SERINC5: variants seen among roughly 807,000 people sequenced by gnomAD.
SERINC5 encodes chromosome 5 open reading frame 12.
In SERINC5, 41 loss-of-function variants were observed where a neutral mutation model predicts 63.1. The ratio of observed to expected loss-of-function variants is 0.65; its 90% CI spans 0.51 to 0.84. The LOEUF (loss-of-function observed/expected upper bound fraction) is 0.84, where lower values mean the gene tolerates loss of function less well. SERINC5 is among the 40% of genes least tolerant of loss of function. The probability of loss-of-function intolerance (pLI) is 0.00; values close to 1 mark genes in which losing one functional copy is unlikely to be tolerated. For missense variants in SERINC5, 523 were observed against 573.0 expected (o/e 0.91, Z 0.89); for synonymous variants, 222 against 215.2 (o/e 1.03, Z -0.28).
At chr5:80,146,715 C>G (rs113399331) in intron 10 of SERINC5, among the ~76,000 whole-genome samples, 2,251 of 152,256 alleles carry the variant, frequency 0.015, 66 homozygotes, top group African/African-American at 0.052. Context: ...CTCAGCCTCC[C>G]GAAGTGCTGG....
intron 6 of SERINC5, among the ~76,000 whole-genome samples, chr5:80,169,018 T>C (rs1747479292): frequency 6.6e-6 from 1 of 152,234 alleles, no homozygotes; most frequent in African/African-American, 2.4e-5. Flanking sequence ...CATAAACACC[T>C]GATCTTGATA....
At chr5:80,193,037 G>A (rs985937781) in intron 2 of SERINC5, among the ~76,000 whole-genome samples, 1 of 152,152 alleles carries the variant, frequency 6.6e-6, no homozygotes, top group Non-Finnish European at 1.5e-5. Context: ...CAGCTCTATG[G>A]GGACAATAAC....
chr5:80,213,897 T>C (rs1750546168), intron 1 of SERINC5, among the ~76,000 whole-genome samples: 1 of 152,210 alleles, frequency 6.6e-6, no homozygotes, highest in Non-Finnish European at 1.5e-5. Context: ...TGTCAATTCC[T>C]GGGAATACCG....
At chr5:80,182,160 T>A (rs1331469223) in intron 2 of SERINC5, among the ~76,000 whole-genome samples, 1 of 152,188 alleles carries the variant, frequency 6.6e-6, no homozygotes, top group East Asian at 1.9e-4. Context: ...GAACTCCACA[T>A]AGCTGGTGGC....
chr5:80,215,514 G>T (rs990684306), intron 1 of SERINC5, among the ~76,000 whole-genome samples: 17 of 152,330 alleles, frequency 1.1e-4, no homozygotes, highest in African/African-American at 4.1e-4. Flanking sequence ...AAGTTAAACA[G>T]AAGCTATATA....
At chr5:80,192,073 T>G (rs1441434225) in intron 2 of SERINC5, among the ~76,000 whole-genome samples, 1 of 152,212 alleles carries the variant, frequency 6.6e-6, no homozygotes, top group East Asian at 1.9e-4. Flanking sequence ...GGCATATTGT[T>G]TTGGCTGCTT....
intron 2 of SERINC5, among the ~76,000 whole-genome samples, chr5:80,180,031 T>C (rs1748318145): frequency 6.6e-6 from 1 of 152,216 alleles, no homozygotes; most frequent in Admixed American, 6.5e-5. Context: ...CTGTTTTTTT[T>C]CTCTGAATTG....
At chr5:80,253,073 C>T (rs1752502114) in intron 1 of SERINC5, among the ~76,000 whole-genome samples, 1 of 152,190 alleles carries the variant, frequency 6.6e-6, no homozygotes, top group Admixed American at 6.5e-5. Context: ...CCTACTTCAC[C>T]TCAGTAATGC....
chr5:80,186,452 A>C (rs570856777), intron 2 of SERINC5, among the ~76,000 whole-genome samples: 1 of 152,118 alleles, frequency 6.6e-6, no homozygotes, highest in Admixed American at 6.5e-5. Context: ...AGTAAGGTGA[A>C]TCTTTCCTTG....
At chr5:80,161,553 T>G (rs775516185) in intron 7 of SERINC5, among the ~76,000 whole-genome samples, 4 of 152,194 alleles carry the variant, frequency 2.6e-5, no homozygotes, top group Non-Finnish European at 5.9e-5. Flanking sequence ...TTAATGGGAT[T>G]ATTTGGTGTT....
intron 2 of SERINC5, among the ~76,000 whole-genome samples, chr5:80,183,098 C>G (rs1748558210): frequency 6.7e-6 from 1 of 149,846 alleles, no homozygotes; most frequent in African/African-American, 2.5e-5. Context: ...TGAAAGGGTA[C>G]AGACTTGAGG....
At chr5:80,234,511 T>TACC (rs1362704018) in intron 1 of SERINC5, among the ~76,000 whole-genome samples, 1 of 152,102 alleles carries the variant, frequency 6.6e-6, no homozygotes, top group African/African-American at 2.4e-5. Flanking sequence ...CATCACACAC[T>TACC]ACCACCACTC....
At chr5:80,159,433 T>C (rs1467490620) in intron 7 of SERINC5, among the ~76,000 whole-genome samples, 2 of 151,960 alleles carry the variant, frequency 1.3e-5, no homozygotes, top group Non-Finnish European at 2.9e-5. Flanking sequence ...ACTCCTGAGG[T>C]GTGTTTTTTT....
intron 7 of SERINC5, among the ~76,000 whole-genome samples, chr5:80,160,531 G>A (rs193248697): frequency 2.0e-5 from 3 of 152,164 alleles, no homozygotes; most frequent in Admixed American, 6.5e-5. Context: ...AACAGTAAAC[G>A]TAACTATGTA....
intron 1 of SERINC5, chr5:80,203,271 T>C (rs1307199747): frequency 1.5e-5 from 3 of 205,794 alleles, no homozygotes; most frequent in African/African-American, 2.4e-5. Context: ...TATATATATA[T>C]GTGTATATAT....
At chr5:80,137,759 T>C (rs1580046170), downstream of SERINC5, among the ~76,000 whole-genome samples, 1 of 149,742 alleles carries the variant, frequency 6.7e-6, no homozygotes, top group South Asian at 2.1e-4. Context: ...CCGTGCAACA[T>C]AGTGAGACCC....
At chr5:80,252,126 A>G (rs1258591604) in intron 1 of SERINC5, among the ~76,000 whole-genome samples, 3 of 146,076 alleles carry the variant, frequency 2.1e-5, no homozygotes, top group East Asian at 2.0e-4. Flanking sequence ...GCAGTGCTCA[A>G]TATCAGCTCA....
Position 80,140,601 on chromosome 5 carries a change from CA to C in SERINC5, c.*3061del. ...AACTGTGGGCAAAAATAAAACTAAC[CA>C]ATCAGTATTTAAAAAGCTAGACACA... On this transcript the variant is annotated 3_prime_UTR_variant, in exon 12 of 12. Transcript: ENST00000507668. 1.0e-6 allele frequency: 1 copy of C among 985,070 alleles called. No homozygotes were observed. The highest frequency in any genetic ancestry group is 4.7e-5 in the South Asian group (1 of 21,278). The allele number at this position is 985,070 out of a possible 1,614,324, so 61.0% of individuals were successfully genotyped here.
chr5:80,148,458 G>A (rs1745968677), intron 9 of SERINC5, among the ~76,000 whole-genome samples: 1 of 151,866 alleles, frequency 6.6e-6, no homozygotes, highest in African/African-American at 2.4e-5. Flanking sequence ...CCAAAGTGCT[G>A]GGATTACAGC....
Sources: allele counts gnomAD v4.1 joint callset (sites outside exome capture counted in the v4.1 genomes callset), GRCh38; gene constraint gnomAD v4.1.1; transcripts MANE v1.5; gene names NCBI Gene and HGNC (gene_info 2026-07-23, HGNC 2026-07-21).